The following EPHA5 variants were observed in gnomAD, a reference collection of about 807,000 sequenced individuals.
EPHA5 encodes the protein EPH receptor A5.
Under a neutral mutation model 105.0 loss-of-function variants are expected in EPHA5, and 60 were observed. The ratio of observed to expected loss-of-function variants is 0.57; its 90% CI spans 0.46 to 0.71. The LOEUF (loss-of-function observed/expected upper bound fraction) is 0.71. Among genes scored for constraint, EPHA5 ranks in the 30% least tolerant of loss-of-function variants. The pLI is 0.00. For synonymous variants in EPHA5, 513 were observed against 449.1 expected (o/e 1.14, Z -1.80); for missense variants, 1,218 against 1,274.7 (o/e 0.96, Z 0.68).
At chr4:65,646,297 A>G (rs893700008) in intron 1 of EPHA5, among the ~76,000 whole-genome samples, 20 of 152,180 alleles carry the variant, frequency 1.3e-4, no homozygotes, top group Admixed American at 3.3e-4. Flanking sequence ...ACTCACGCCT[A>G]TGAACCTAGC....
intron 3 of EPHA5, among the ~76,000 whole-genome samples, chr4:65,503,528 A>T (rs926428448): frequency 2.0e-5 from 3 of 151,830 alleles, no homozygotes; most frequent in African/African-American, 7.2e-5. Context: ...AGAAAAGGAC[A>T]GGAATACTAT....
chr4:65,356,380 A>G (rs1453133375), intron 11 of EPHA5, among the ~76,000 whole-genome samples: 1 of 151,444 alleles, frequency 6.6e-6, no homozygotes, highest in Non-Finnish European at 1.5e-5. Flanking sequence ...GAAAATCTGT[A>G]TCTTAGATTC....
intron 5 of EPHA5, among the ~76,000 whole-genome samples, chr4:65,425,501 C>G (rs1724344173): frequency 6.6e-6 from 1 of 151,938 alleles, no homozygotes; most frequent in Non-Finnish European, 1.5e-5. Context: ...AAGTTGGGAC[C>G]AAGATTCTGT....
intron 3 of EPHA5, among the ~76,000 whole-genome samples, chr4:65,578,778 C>A (rs77336962): frequency 0.014 from 2,169 of 151,966 alleles, 35 homozygotes; most frequent in Non-Finnish European, 0.024. Flanking sequence ...TAATTGGTAA[C>A]AAGCTAAAGA....
At chr4:65,502,861 C>T (rs933800592) in intron 3 of EPHA5, among the ~76,000 whole-genome samples, 5 of 151,742 alleles carry the variant, frequency 3.3e-5, no homozygotes, top group African/African-American at 1.2e-4. Flanking sequence ...ATGAATCAAC[C>T]TAGGTTTCCA....
chr4:65,581,670 T>A (rs1195790669), intron 3 of EPHA5, among the ~76,000 whole-genome samples: 2 of 151,798 alleles, frequency 1.3e-5, no homozygotes, highest in Non-Finnish European at 3.0e-5. Flanking sequence ...TCTTAACAGT[T>A]ACCAGGTTTT....
In EPHA5 at chr4:65,324,742, CT is replaced by C. The variant is rs368440921; in HGVS notation, c.2946-524del. On this transcript the variant is annotated intron_variant, in intron 16 of 16. Coordinates refer to ENST00000613740, the MANE Select transcript of EPHA5 (RefSeq NM_001281766.3). ...ACATTGCTTTTATAACAATGTTTTACTTTTTTTTTTTTTTTTTTACTTTATA... is the reference window on the plus strand; with the variant it reads ...ACATTGCTTTTATAACAATGTTTTACTTTTTTTTTTTTTTTTTACTTTATA... Among the ~76,000 whole-genome samples, 1,268 of 131,328 alleles carry C rather than the reference CT, an allele frequency of 9.7e-3. 8 individuals are homozygous for C. Among genetic ancestry groups the C allele is most frequent in the Admixed American group, 0.036 (466 of 13,122 alleles). The allele number at this position is 131,328 out of a possible 152,430, so 86.2% of individuals were successfully genotyped here.
intron 2 of EPHA5, among the ~76,000 whole-genome samples, chr4:65,628,757 T>C (rs1746370261): frequency 6.6e-6 from 1 of 152,200 alleles, no homozygotes; most frequent in South Asian, 2.1e-4. Context: ...TATTTGTGAA[T>C]AATCTTGAAT....
At chr4:65,509,922 G>C (rs1232482342) in intron 3 of EPHA5, among the ~76,000 whole-genome samples, 1 of 152,086 alleles carries the variant, frequency 6.6e-6, no homozygotes, top group African/African-American at 2.4e-5. Context: ...AAATCTGAGA[G>C]TTCAGGACAG....
rs1750270045 is a variant in EPHA5 at position 65,669,542 on chromosome 4, C to T, written c.181+20G>A. ...CCCCTCCGCCCCAGGTCGCCACGGT[C>T]CCCACCCCCATCTCCCTACCTTCGT... On this transcript the variant is annotated intron_variant, in intron 1 of 16. Coordinates refer to ENST00000613740, the MANE Select transcript of EPHA5 (RefSeq NM_001281766.3). The T allele has an allele frequency of 1.5e-6, 2 of 1,372,328 alleles. No homozygotes were observed. The highest frequency in any genetic ancestry group is 6.0e-5 in the Admixed American group (2 of 33,594). The allele number at this position is 1,372,328 out of a possible 1,614,324, so 85.0% of individuals were successfully genotyped here.
At chr4:65,568,759 T>G (rs1333668285) in intron 3 of EPHA5, among the ~76,000 whole-genome samples, 1 of 151,032 alleles carries the variant, frequency 6.6e-6, no homozygotes, top group Non-Finnish European at 1.5e-5. Context: ...TAAAGTGACT[T>G]ACAGAAACAG....
chr4:65,443,349 T>G (rs76797184), intron 5 of EPHA5, among the ~76,000 whole-genome samples: 1 of 151,750 alleles, frequency 6.6e-6, no homozygotes, highest in Non-Finnish European at 1.5e-5. Flanking sequence ...TGGAATCTTG[T>G]TAGAAAAATA....
intron 5 of EPHA5, among the ~76,000 whole-genome samples, chr4:65,457,814 A>G (rs1578159491): frequency 1.3e-5 from 2 of 152,228 alleles, no homozygotes; most frequent in East Asian, 3.9e-4. Flanking sequence ...TGCAATGCCA[A>G]TATAACATAT....
chr4:65,386,843 T>C (rs1720142451), intron 8 of EPHA5, among the ~76,000 whole-genome samples: 1 of 151,964 alleles, frequency 6.6e-6, no homozygotes, highest in Non-Finnish European at 1.5e-5. Context: ...TCTTTTATGT[T>C]CTTTGTAATT....
At chr4:65,507,698 G>T (rs1733193776) in intron 3 of EPHA5, among the ~76,000 whole-genome samples, 1 of 152,088 alleles carries the variant, frequency 6.6e-6, no homozygotes, top group South Asian at 2.1e-4. Context: ...GAATGCTTGT[G>T]ATTTATGCAC....
At chr4:65,570,005 T>C (rs1353605857) in intron 3 of EPHA5, among the ~76,000 whole-genome samples, 2 of 151,760 alleles carry the variant, frequency 1.3e-5, no homozygotes, top group South Asian at 2.1e-4. Context: ...ACTAAATGAA[T>C]GTGTGTGTGC....
At chr4:65,354,756 C>T (rs190036227) in intron 11 of EPHA5, among the ~76,000 whole-genome samples, 169 of 151,638 alleles carry the variant, frequency 1.1e-3, no homozygotes, top group Admixed American at 2.8e-3. Flanking sequence ...ATGATTAATA[C>T]ATATGAAAAA....
chr4:65,403,494 C>T (rs905721535), intron 8 of EPHA5, among the ~76,000 whole-genome samples: 3 of 151,718 alleles, frequency 2.0e-5, no homozygotes, highest in Non-Finnish European at 2.9e-5. Flanking sequence ...ATGGACAGCT[C>T]CCATTACTAA....
At chr4:65,612,899 A>AT (rs1461467808) in intron 2 of EPHA5, among the ~76,000 whole-genome samples, 1 of 151,878 alleles carries the variant, frequency 6.6e-6, no homozygotes, top group Admixed American at 6.6e-5. Flanking sequence ...TCCATTTATC[A>AT]TTTTTGTTTT....
Sources: allele counts gnomAD v4.1 joint callset (sites outside exome capture counted in the v4.1 genomes callset), GRCh38; gene constraint gnomAD v4.1.1; transcripts MANE v1.5; gene names NCBI Gene and HGNC (gene_info 2026-07-23, HGNC 2026-07-21).